The following CACNA2D3 variants were observed in gnomAD, a reference collection of about 807,000 sequenced individuals.
CACNA2D3 encodes the protein calcium voltage-gated channel auxiliary subunit alpha2delta 3.
In CACNA2D3, 60 loss-of-function variants were observed where a neutral mutation model predicts 160.6. The observed-to-expected ratio is 0.37, with a 90% CI of 0.30 to 0.46. CACNA2D3 has a LOEUF of 0.46. Ranked by LOEUF, CACNA2D3 falls within the 20% of genes least tolerant of loss-of-function variation. The probability of loss-of-function intolerance (pLI) is 1.00; values close to 1 mark genes in which losing one functional copy is unlikely to be tolerated. For missense variants in CACNA2D3, 1,205 were observed against 1,365.0 expected, an observed-to-expected ratio of 0.88 and a Z score of 1.85; for synonymous variants, 558 against 492.9, an observed-to-expected ratio of 1.13 and a Z score of -1.75.
At chr3:54,385,238 A>T (rs377114671) in intron 3 of CACNA2D3, among the ~76,000 whole-genome samples, 2 of 152,112 alleles carry the variant, frequency 1.3e-5, no homozygotes, top group Admixed American at 1.3e-4. Context: ...GGGCATTTCT[A>T]CAATTTCCCA....
At chr3:54,137,564 T>G (rs1254172498) in intron 2 of CACNA2D3, among the ~76,000 whole-genome samples, 1 of 152,238 alleles carries the variant, frequency 6.6e-6, no homozygotes, top group Non-Finnish European at 1.5e-5. Context: ...TTTTTCTAAG[T>G]CAGTGCCTTT....
chr3:54,830,394 C>G (rs994422699), intron 14 of CACNA2D3, among the ~76,000 whole-genome samples: 1 of 152,082 alleles, frequency 6.6e-6, no homozygotes, highest in Non-Finnish European at 1.5e-5. Context: ...TTGATAACCG[C>G]CGGTCTTTGC....
chr3:54,941,917 G>A (rs1384202447), intron 27 of CACNA2D3, among the ~76,000 whole-genome samples: 6 of 152,160 alleles, frequency 3.9e-5, no homozygotes, highest in Non-Finnish European at 8.8e-5. Flanking sequence ...CTCACCATGG[G>A]ATAAACTTCA....
chr3:54,303,856 T>C (rs1470531040), intron 2 of CACNA2D3, among the ~76,000 whole-genome samples: 1 of 136,564 alleles, frequency 7.3e-6, no homozygotes, highest in African/African-American at 2.7e-5. Flanking sequence ...TTAGTGCTGC[T>C]CAGCGGGAGG....
At chr3:54,356,990 A>C (rs966443485) in intron 3 of CACNA2D3, among the ~76,000 whole-genome samples, 2 of 152,096 alleles carry the variant, frequency 1.3e-5, no homozygotes, top group African/African-American at 4.8e-5. Context: ...GTCATTTAAG[A>C]GACATATGTA....
intron 2 of CACNA2D3, among the ~76,000 whole-genome samples, chr3:54,180,081 G>A (rs1190945162): frequency 7.3e-6 from 1 of 136,902 alleles, no homozygotes; most frequent in African/African-American, 2.7e-5. Flanking sequence ...TTTTTTTTTG[G>A]TTTTCTTTTG....
At chr3:55,072,280 T>A (rs1704827114) in intron 35 of CACNA2D3, among the ~76,000 whole-genome samples, 1 of 152,162 alleles carries the variant, frequency 6.6e-6, no homozygotes, top group Non-Finnish European at 1.5e-5. Context: ...ATTGGGCATT[T>A]ATAGAAAAGA....
At chr3:54,273,624 A>G (rs766038250) in intron 2 of CACNA2D3, among the ~76,000 whole-genome samples, 21 of 152,292 alleles carry the variant, frequency 1.4e-4, no homozygotes, top group Non-Finnish European at 1.8e-4. Context: ...TCTGGCAGCA[A>G]TCTCACAACA....
At chr3:54,240,905 C>T (rs1461994262) in intron 2 of CACNA2D3, among the ~76,000 whole-genome samples, 1 of 151,900 alleles carries the variant, frequency 6.6e-6, no homozygotes, top group Non-Finnish European at 1.5e-5. Context: ...CTATGCCTGG[C>T]TAATTTTTGT....
chr3:55,050,171 A>G (rs358464), intron 35 of CACNA2D3, among the ~76,000 whole-genome samples: 146,210 of 149,376 alleles, frequency 0.98, 71,579 homozygotes, highest in East Asian at 1. Flanking sequence ...TATTTTGCTC[A>G]TTAGTTGATG....
At chr3:54,223,506 C>T (rs1436176322) in intron 2 of CACNA2D3, among the ~76,000 whole-genome samples, 1 of 152,132 alleles carries the variant, frequency 6.6e-6, no homozygotes, top group East Asian at 1.9e-4. Flanking sequence ...ATGTGAATGC[C>T]TAGGACATTA....
intron 3 of CACNA2D3, among the ~76,000 whole-genome samples, chr3:54,341,028 G>T (rs1389324309): frequency 6.6e-6 from 1 of 152,194 alleles, no homozygotes; most frequent in African/African-American, 2.4e-5. Flanking sequence ...CACCTAGACT[G>T]CTCTTCCTCC....
chr3:54,933,977 G>A (rs2106963521), intron 27 of CACNA2D3, among the ~76,000 whole-genome samples: 1 of 152,200 alleles, frequency 6.6e-6, no homozygotes, highest in South Asian at 2.1e-4. Flanking sequence ...CGTCATGTTG[G>A]TCAGGCTGGT....
At chr3:54,553,971 A>G (rs1016819255) in intron 5 of CACNA2D3, among the ~76,000 whole-genome samples, 1 of 152,212 alleles carries the variant, frequency 6.6e-6, no homozygotes, top group Non-Finnish European at 1.5e-5. Context: ...TGTTGGCAGG[A>G]AACTTGCCTA....
intron 9 of CACNA2D3, among the ~76,000 whole-genome samples, chr3:54,582,316 G>A (rs1290211811): frequency 6.6e-6 from 1 of 152,164 alleles, no homozygotes; most frequent in Non-Finnish European, 1.5e-5. Context: ...TAGGAATGCT[G>A]TCTGCTCACT....
At chr3:54,555,147 A>G (rs1702223855) in intron 5 of CACNA2D3, among the ~76,000 whole-genome samples, 1 of 152,078 alleles carries the variant, frequency 6.6e-6, no homozygotes, top group Non-Finnish European at 1.5e-5. Context: ...AAGTGTTGAG[A>G]TTACAGGTGT....
At chr3:54,568,913 C>T (rs999400849) in intron 6 of CACNA2D3, among the ~76,000 whole-genome samples, 4 of 152,066 alleles carry the variant, frequency 2.6e-5, no homozygotes, top group Non-Finnish European at 4.4e-5. Flanking sequence ...CATTGTTAAT[C>T]GGAAAAAAAG....
intron 4 of CACNA2D3, among the ~76,000 whole-genome samples, chr3:54,463,686 A>G (rs534505053): frequency 2.5e-4 from 38 of 152,260 alleles, no homozygotes; most frequent in Non-Finnish European, 5.0e-4. Flanking sequence ...TTTTTAATCA[A>G]AGTTTTTAAC....
At chr3:54,768,833 G>T (rs987867524) in intron 13 of CACNA2D3, among the ~76,000 whole-genome samples, 6 of 152,202 alleles carry the variant, frequency 3.9e-5, no homozygotes, top group Non-Finnish European at 5.9e-5. Flanking sequence ...CATTGTTGCT[G>T]TGCTTCCCAA....
Sources: allele counts gnomAD v4.1 joint callset (sites outside exome capture counted in the v4.1 genomes callset), GRCh38; gene constraint gnomAD v4.1.1; transcripts MANE v1.5; gene names NCBI Gene and HGNC (gene_info 2026-07-23, HGNC 2026-07-21).